Variants in PPP1R12A observed in about 807,000 individuals in gnomAD.
The protein encoded by PPP1R12A is protein phosphatase 1 regulatory subunit 12A.
A neutral mutation model predicts 139.6 loss-of-function variants in PPP1R12A; 19 were observed. The ratio of observed to expected loss-of-function variants is 0.14; its 90% confidence interval spans 0.09 to 0.20. PPP1R12A has a LOEUF of 0.20. Among genes scored for constraint, PPP1R12A ranks in the 10% least tolerant of loss-of-function variants. The probability of loss-of-function intolerance (pLI) is 1.00; values close to 1 mark genes in which losing one functional copy is unlikely to be tolerated. For synonymous variants in PPP1R12A, 427 were observed against 420.6 expected, an observed-to-expected ratio of 1.02 and a Z score of -0.19; for missense variants, 925 against 1,211.5, an observed-to-expected ratio of 0.76 and a Z score of 3.51.
intron 1 of PPP1R12A, among the ~76,000 whole-genome samples, chr12:79,909,935 G>A (rs1182375290): frequency 2.0e-5 from 3 of 151,532 alleles, no homozygotes; most frequent in Non-Finnish European, 4.4e-5. Context: ...CCTGACCTCC[G>A]GTGATCCGCC....
At chr12:79,923,325 T>C (rs1241277624) in intron 1 of PPP1R12A, among the ~76,000 whole-genome samples, 2 of 152,060 alleles carry the variant, frequency 1.3e-5, no homozygotes, top group African/African-American at 2.4e-5. Flanking sequence ...CACCATATGA[T>C]AAAAAGTGGA....
At chr12:79,837,713 A>G (rs962927882) in intron 3 of PPP1R12A, among the ~76,000 whole-genome samples, 1 of 152,150 alleles carries the variant, frequency 6.6e-6, no homozygotes, top group African/African-American at 2.4e-5. Flanking sequence ...ATGGTTTAAG[A>G]GGCTTTTTCC....
At chr12:79,875,608 C>T (rs934718441) in intron 1 of PPP1R12A, among the ~76,000 whole-genome samples, 5 of 152,190 alleles carry the variant, frequency 3.3e-5, no homozygotes. Context: ...GATCAGTAGA[C>T]ATATTAATTT....
intron 3 of PPP1R12A, among the ~76,000 whole-genome samples, chr12:79,843,613 T>G (rs945007813): frequency 3.0e-5 from 1 of 33,562 alleles, no homozygotes; most frequent in Non-Finnish European, 4.9e-5. Context: ...CAAAAAAAAA[T>G]ATAGATATAG....
At chr12:79,873,496 T>TAAAAAAAAAAAAAA (rs35604870) in intron 1 of PPP1R12A, among the ~76,000 whole-genome samples, 1 of 134,800 alleles carries the variant, frequency 7.4e-6, no homozygotes, top group Non-Finnish European at 1.6e-5. Flanking sequence ...ACTCATAATT[T>TAAAAAAAAAAAAAA]AAAAAAAAAA....
In PPP1R12A at chr12:79,879,537, T is replaced by C. The variant is rs535781927; in HGVS notation, c.238-6599A>G. ...CACATAACAGAATCCTATAAACTGA[T>C]TAAAAAAGAAAAGAACATTGAACAA... is the stretch of plus-strand genomic sequence containing the variant. On this transcript the variant is annotated intron_variant, in intron 1 of 24. Transcript: ENST00000450142. 2.0e-5 allele frequency among the ~76,000 whole-genome samples: 3 copies of C among 151,872 alleles called. No homozygotes were observed. In the South Asian group the frequency reaches 6.3e-4, roughly 32 times the overall value.
At chr12:79,876,072 C>T (rs1188310712) in intron 1 of PPP1R12A, among the ~76,000 whole-genome samples, 1 of 152,124 alleles carries the variant, frequency 6.6e-6, no homozygotes, top group East Asian at 1.9e-4. Flanking sequence ...TATACACAAG[C>T]AATGCATAAA....
At chr12:79,897,381 C>T (rs1009254338) in intron 1 of PPP1R12A, among the ~76,000 whole-genome samples, 25 of 152,038 alleles carry the variant, frequency 1.6e-4, no homozygotes, top group Non-Finnish European at 2.5e-4. Context: ...ATGGCAACAA[C>T]AGTGGGGAGT....
In PPP1R12A at chr12:79,822,125, T is replaced by C; in HGVS notation, c.858A>G (p.Lys286=). The C allele has an allele frequency of 6.4e-7, 1 of 1,566,960 alleles. No individual in the cohort carries two copies. The highest frequency in any genetic ancestry group is 8.7e-7 in the Non-Finnish European group (1 of 1,149,060). ...TAGTCATCAAACATACCAGATTTTG[T>C]TTCTTTTGCAACTCTTCTAAATATC... The part of the protein sequence containing the change: ...ILGYLEELQK[K]QNLLHSEKRD... The change falls in exon 6 of 25, where the codon AAA becomes AAG. Residue 286 remains lysine, a synonymous_variant. Transcript: ENST00000450142.
chr12:79,847,607 A>G (rs1287068503), intron 2 of PPP1R12A, among the ~76,000 whole-genome samples: 1 of 152,190 alleles, frequency 6.6e-6, no homozygotes, highest in Non-Finnish European at 1.5e-5. Flanking sequence ...TACCAGGAAT[A>G]TAAAGGTAAA....
intron 3 of PPP1R12A, among the ~76,000 whole-genome samples, chr12:79,835,922 A>AT (rs1214153411): frequency 1.1e-4 from 16 of 152,030 alleles, no homozygotes; most frequent in Non-Finnish European, 7.4e-5. Context: ...GCACATTACC[A>AT]TTTTTTCCAA....
chr12:79,845,680 C>CA (rs1326517182), intron 2 of PPP1R12A, among the ~76,000 whole-genome samples: 3 of 151,816 alleles, frequency 2.0e-5, no homozygotes, highest in Admixed American at 1.3e-4. Context: ...ACTAAAAATA[C>CA]AAAAAATTAG....
chr12:79,925,901 C>A (rs1327532868), intron 1 of PPP1R12A, among the ~76,000 whole-genome samples: 2 of 152,120 alleles, frequency 1.3e-5, no homozygotes, highest in Non-Finnish European at 2.9e-5. Context: ...TATTACCATG[C>A]TAGAGATTTC....
At chr12:79,899,177 T>C (rs1225867607) in intron 1 of PPP1R12A, among the ~76,000 whole-genome samples, 1 of 151,224 alleles carries the variant, frequency 6.6e-6, no homozygotes, top group Non-Finnish European at 1.5e-5. Context: ...GAGTTCAATA[T>C]ATTTCATTTT....
intron 2 of PPP1R12A, among the ~76,000 whole-genome samples, chr12:79,867,494 G>GTAA (rs1882100016): frequency 6.7e-6 from 1 of 149,164 alleles, no homozygotes; most frequent in African/African-American, 2.5e-5. Flanking sequence ...TAGAAAATAT[G>GTAA]TTCAAATGCA....
chr12:79,778,960 G>T, intron 23 of PPP1R12A: 1 of 234,732 alleles, frequency 4.3e-6, no homozygotes, highest in Non-Finnish European at 8.7e-6. Flanking sequence ...ATATTACAGT[G>T]ACAGAAGCAG....
chr12:79,782,374 A>T (rs1206412234), intron 22 of PPP1R12A: 4 of 243,758 alleles, frequency 1.6e-5, no homozygotes, highest in Non-Finnish European at 2.5e-5. Context: ...TTCTTTTCCA[A>T]TCATCCATGC....
chr12:79,802,769 C>T (rs1404884200), intron 14 of PPP1R12A, among the ~76,000 whole-genome samples: 1 of 151,944 alleles, frequency 6.6e-6, no homozygotes, highest in Non-Finnish European at 1.5e-5. Context: ...GACAGAGATC[C>T]TGTCTTGGAA....
rs114064098 is a variant in PPP1R12A, at chr12:79,904,400, G to C, written c.237+30295C>G. 2.7e-3 allele frequency among the ~76,000 whole-genome samples: 408 copies of C among 152,166 alleles called. 2 individuals are homozygous for C. Among genetic ancestry groups the C allele is most frequent in the African/African-American group, 9.5e-3 (394 of 41,530 alleles). On this transcript the variant is annotated intron_variant, in intron 1 of 24. Transcript: ENST00000450142. ...ACTCAAAGGCAGACACTTTCTGTAT[G>C]TGCCCCACTACCTAACAAAACATTT...
Sources: gnomAD v4.1 joint callset for allele counts (sites outside exome capture counted in the v4.1 genomes callset) on GRCh38, gnomAD v4.1.1 for gene constraint, MANE v1.5 for transcripts, NCBI Gene and HGNC (gene_info 2026-07-23, HGNC 2026-07-21) for gene names.